The following CCDC148 variants were observed in gnomAD, a reference collection of about 807,000 sequenced individuals.
CCDC148 encodes coiled-coil domain-containing protein 148.
Under a neutral mutation model 85.7 loss-of-function variants are expected in CCDC148, and 89 were observed. The observed-to-expected ratio is 1.04, with a 90% CI of 0.87 to 1.24. CCDC148 has a LOEUF of 1.24. CCDC148 is among the 50% of genes most tolerant of loss of function. The probability of loss-of-function intolerance (pLI) is 0.00; values close to 1 mark genes in which losing one functional copy is unlikely to be tolerated. For synonymous variants in CCDC148, 230 were observed against 213.9 expected (o/e 1.08, Z -0.66); for missense variants, 692 against 671.7 (o/e 1.03, Z -0.33).
chr2:158,211,034 T>G (rs143553739), intron 11 of CCDC148, among the ~76,000 whole-genome samples: 10,664 of 150,326 alleles, frequency 0.071, 561 homozygotes, highest in African/African-American at 0.15. Flanking sequence ...AGGGCCTACT[T>G]GGGGGTTGGG....
At chr2:158,263,483 T>C (rs1285289879) in intron 9 of CCDC148, among the ~76,000 whole-genome samples, 1 of 152,020 alleles carries the variant, frequency 6.6e-6, no homozygotes, top group Non-Finnish European at 1.5e-5. Flanking sequence ...GGGGACAAGG[T>C]GTATGCCAAT....
intron 2 of CCDC148, among the ~76,000 whole-genome samples, chr2:158,351,606 A>G (rs984960951): frequency 1.3e-5 from 2 of 152,194 alleles, no homozygotes; most frequent in Non-Finnish European, 2.9e-5. Context: ...TTGCTAGCAC[A>G]GCAGTCTGAG....
At chr2:158,418,802 T>C (rs1174138731) in intron 1 of CCDC148, among the ~76,000 whole-genome samples, 1 of 152,128 alleles carries the variant, frequency 6.6e-6, no homozygotes, top group Non-Finnish European at 1.5e-5. Flanking sequence ...CATATATATA[T>C]CTCTTAGAAT....
chr2:158,282,354 G>A (rs1690365274), intron 9 of CCDC148, among the ~76,000 whole-genome samples: 1 of 152,198 alleles, frequency 6.6e-6, no homozygotes, highest in African/African-American at 2.4e-5. Context: ...GTTTGCAGAT[G>A]ACATGATTGT....
chr2:158,205,827 T>G (rs989157100), intron 11 of CCDC148, among the ~76,000 whole-genome samples: 1 of 152,134 alleles, frequency 6.6e-6, no homozygotes, highest in African/African-American at 2.4e-5. Context: ...GCAATGCCAC[T>G]TGTCCTTGAT....
chr2:158,184,863 A>G (rs1385864495), intron 11 of CCDC148, among the ~76,000 whole-genome samples: 3 of 152,176 alleles, frequency 2.0e-5, no homozygotes, highest in Non-Finnish European at 4.4e-5. Flanking sequence ...TTTCTGATTC[A>G]GTAGTTGTCA....
At chr2:158,261,655 A>T (rs1233203001) in intron 9 of CCDC148, among the ~76,000 whole-genome samples, 4 of 151,652 alleles carry the variant, frequency 2.6e-5, no homozygotes, top group Non-Finnish European at 5.9e-5. Flanking sequence ...TCTATAAGGA[A>T]CTTAAATTTA....
At chr2:158,310,103 G>A (rs545024453) in intron 8 of CCDC148, among the ~76,000 whole-genome samples, 1 of 152,182 alleles carries the variant, frequency 6.6e-6, no homozygotes, top group Non-Finnish European at 1.5e-5. Flanking sequence ...CTGGGTACTT[G>A]AGATTAGGGA....
chr2:158,321,023 G>C (rs2105220751), intron 7 of CCDC148, among the ~76,000 whole-genome samples: 1 of 152,144 alleles, frequency 6.6e-6, no homozygotes, highest in African/African-American at 2.4e-5. Context: ...TAAACTCTAA[G>C]ACTAGTTTTT....
intron 11 of CCDC148, among the ~76,000 whole-genome samples, chr2:158,205,738 T>G (rs1281658371): frequency 6.6e-6 from 1 of 152,082 alleles, no homozygotes; most frequent in Non-Finnish European, 1.5e-5. Context: ...GTTTAGTGAG[T>G]GATCTGAACA....
At chr2:158,352,255 G>T (rs1036778885) in intron 2 of CCDC148, among the ~76,000 whole-genome samples, 161 of 150,718 alleles carry the variant, frequency 1.1e-3, no homozygotes, top group African/African-American at 3.9e-3. Context: ...AGAGAAGAAG[G>T]CTTCAGACGA....
chr2:158,452,993 A>AT (rs1297832276), intron 1 of CCDC148, among the ~76,000 whole-genome samples: 1 of 152,140 alleles, frequency 6.6e-6, no homozygotes, highest in Non-Finnish European at 1.5e-5. Context: ...ACTTTATCTG[A>AT]TTTTTCCACA....
intron 2 of CCDC148, 136 bp downstream of exon 2, chr2:158,358,313 T>G: frequency 1.1e-6 from 1 of 949,474 alleles, no homozygotes; most frequent in East Asian, 2.7e-5. Flanking sequence ...TGTTAGCTGC[T>G]ATTCACTATT....
At chr2:158,196,525 AGTACACCATG>A (rs1685679046) in intron 11 of CCDC148, among the ~76,000 whole-genome samples, 1 of 152,176 alleles carries the variant, frequency 6.6e-6, no homozygotes, top group Non-Finnish European at 1.5e-5. Context: ...AAAGTGCAAA[AGTACACCATG>A]GTTATGGGTC....
intron 1 of CCDC148, among the ~76,000 whole-genome samples, chr2:158,387,696 A>G (rs1685148124): frequency 6.6e-6 from 1 of 151,658 alleles, no homozygotes; most frequent in Non-Finnish European, 1.5e-5. Flanking sequence ...GTTGAGTTTC[A>G]AAACCCCATG....
At chr2:158,220,101 C>A (rs768955108) in intron 11 of CCDC148, among the ~76,000 whole-genome samples, 1 of 152,170 alleles carries the variant, frequency 6.6e-6, no homozygotes, top group Admixed American at 6.5e-5. Context: ...TCTCAAATGT[C>A]CTTTCCAGAT....
intron 1 of CCDC148, among the ~76,000 whole-genome samples, chr2:158,432,181 T>A: frequency 6.8e-6 from 1 of 148,126 alleles, no homozygotes; most frequent in East Asian, 2.0e-4. Flanking sequence ...GAATAAAACA[T>A]AATCAAAAGG....
chr2:158,197,743 T>A (rs2105279214), intron 11 of CCDC148, among the ~76,000 whole-genome samples: 1 of 152,282 alleles, frequency 6.6e-6, no homozygotes, highest in South Asian at 2.1e-4. Flanking sequence ...CTTCCCTATT[T>A]TTTTATTGCC....
intron 9 of CCDC148, among the ~76,000 whole-genome samples, chr2:158,299,513 A>T (rs1316327446): frequency 6.6e-6 from 1 of 152,220 alleles, no homozygotes; most frequent in East Asian, 1.9e-4. Context: ...TCATATTGAA[A>T]GATGACCTCA....
Sources: allele counts gnomAD v4.1 joint callset (sites outside exome capture counted in the v4.1 genomes callset), GRCh38; gene constraint gnomAD v4.1.1; transcripts MANE v1.5; gene names NCBI Gene and HGNC (gene_info 2026-07-23, HGNC 2026-07-21).